VSNL1: variants seen among roughly 807,000 people sequenced by gnomAD.
VSNL1 encodes visinin-like protein 1.
A neutral mutation model predicts 20.4 loss-of-function variants in VSNL1; 6 were observed. That is an observed-to-expected ratio of 0.29 (90% CI 0.16 to 0.58). The LOEUF (loss-of-function observed/expected upper bound fraction) is 0.58. Ranked by LOEUF, VSNL1 falls within the 20% of genes least tolerant of loss-of-function variation. The pLI is 0.90. For missense variants in VSNL1, 100 were observed against 234.5 expected, an observed-to-expected ratio of 0.43 and a Z score of 3.75; for synonymous variants, 93 against 86.4, an observed-to-expected ratio of 1.08 and a Z score of -0.42.
At position 17,655,585 on chromosome 2, in the gene VSNL1, T is replaced by A. The variant is rs751733472; in HGVS notation, c.*191T>A. On this transcript the variant is annotated 3_prime_UTR_variant, in exon 4 of 4. Transcript: ENST00000295156. This position sits in a 1 kb window ranked among gnomAD's most constrained non-coding sequence, Gnocchi z 5.2. ...CATGAGAATGTCATTTGCTAATGAA[T>A]TTTAAAAGCATATATAAAACAAAAC... The A allele has an allele frequency of 3.5e-6, 2 of 574,896 alleles. No individual in the cohort carries two copies. Among genetic ancestry groups the A allele is most frequent in the Non-Finnish European group, 6.0e-6 (2 of 331,358 alleles). 35.6% of individuals were successfully genotyped at this position (574,896 alleles called of 1,614,324 possible).
intron 1 of VSNL1, among the ~76,000 whole-genome samples, chr2:17,589,116 A>G (rs1664541672): frequency 6.6e-6 from 1 of 152,078 alleles, no homozygotes; most frequent in Non-Finnish European, 1.5e-5. Flanking sequence ...GTGGTGTGTA[A>G]ATTGAGACTA....
At chr2:17,560,527 C>G (rs936124784) in intron 1 of VSNL1, among the ~76,000 whole-genome samples, 1 of 152,094 alleles carries the variant, frequency 6.6e-6, no homozygotes, top group Admixed American at 6.5e-5. Context: ...AAGAATGTAG[C>G]TTATTTAACA....
intron 2 of VSNL1, among the ~76,000 whole-genome samples, chr2:17,626,977 A>T (rs941357364): frequency 6.6e-6 from 1 of 152,214 alleles, no homozygotes; most frequent in Non-Finnish European, 1.5e-5. Flanking sequence ...AAGGCTTTTT[A>T]ACAGCAATCA....
At chr2:17,543,691 C>G (rs557355494) in intron 1 of VSNL1, among the ~76,000 whole-genome samples, 2 of 152,296 alleles carry the variant, frequency 1.3e-5, no homozygotes, top group East Asian at 3.9e-4. Flanking sequence ...TCCTTTAAAG[C>G]TTTTAAAGCA....
chr2:17,596,031 A>C (rs1664703526), intron 2 of VSNL1, among the ~76,000 whole-genome samples: 1 of 152,080 alleles, frequency 6.6e-6, no homozygotes, highest in Non-Finnish European at 1.5e-5. Flanking sequence ...ATTCTCTTGG[A>C]CTTCCAGCTT....
intron 3 of VSNL1, among the ~76,000 whole-genome samples, chr2:17,653,052 C>T (rs1666154950): frequency 1.3e-5 from 2 of 152,164 alleles, no homozygotes; most frequent in Admixed American, 1.3e-4. Flanking sequence ...TATTTTTATC[C>T]AGTTTTCTAG....
At chr2:17,599,675 AC>A (rs1160194398) in intron 2 of VSNL1, among the ~76,000 whole-genome samples, 1 of 152,008 alleles carries the variant, frequency 6.6e-6, no homozygotes, top group Non-Finnish European at 1.5e-5. Context: ...TGTCAGTCTG[AC>A]CAGTGGCTTA....
intron 2 of VSNL1, among the ~76,000 whole-genome samples, chr2:17,629,544 T>C (rs939115549): frequency 2.6e-5 from 4 of 152,204 alleles, no homozygotes; most frequent in Non-Finnish European, 5.9e-5. Context: ...CTGAGTTCAG[T>C]GGACTTGACT....
intron 2 of VSNL1, among the ~76,000 whole-genome samples, chr2:17,611,601 G>C (rs1009092104): frequency 2.0e-5 from 3 of 152,224 alleles, no homozygotes; most frequent in South Asian, 2.1e-4. Context: ...GAGGAGGTTT[G>C]GAGGATTTTC....
At chr2:17,567,377 T>TTTTTTTTTTTTTTTTTTTA (rs1558284156) in intron 1 of VSNL1, 1 of 147,412 alleles carries the variant, frequency 6.8e-6, no homozygotes, top group African/African-American at 2.5e-5. Context: ...TTTTTTTTTT[T>TTTTTTTTTTTTTTTTTTTA]AGAAGGAGTC....
rs74371005 is a variant in VSNL1, at chr2:17,597,013, C to T, written c.162+4777C>T. On this transcript the variant is annotated intron_variant, in intron 2 of 3. Coordinates refer to ENST00000295156, the MANE Select transcript of VSNL1 (RefSeq NM_003385.5). The stretch of plus-strand genomic sequence containing the variant: ...ATGAAAATAAGTTTCATTTCACAGG[C>T]CACGTACGATGGCAGCACCAAATGG... Among the ~76,000 whole-genome samples, 37 of 152,344 alleles carry T rather than the reference C, an allele frequency of 2.4e-4. No homozygotes were observed. In the East Asian group the frequency reaches 6.7e-3, roughly 28 times the overall value.
chr2:17,578,886 C>T (rs1388491474), intron 1 of VSNL1, among the ~76,000 whole-genome samples: 3 of 152,236 alleles, frequency 2.0e-5, no homozygotes, highest in Non-Finnish European at 4.4e-5. Flanking sequence ...GCATTCCTCT[C>T]GTAACCTTTG....
intron 1 of VSNL1, among the ~76,000 whole-genome samples, chr2:17,543,209 G>T (rs1282274199): frequency 6.6e-6 from 1 of 151,924 alleles, no homozygotes. Context: ...GTTTAGTCTG[G>T]CTTTTCTGGC....
At chr2:17,574,755 T>C (rs1283250718) in intron 1 of VSNL1, among the ~76,000 whole-genome samples, 1 of 152,168 alleles carries the variant, frequency 6.6e-6, no homozygotes, top group Non-Finnish European at 1.5e-5. Context: ...CGTTATTTCA[T>C]GAAAACTAAG....
intron 1 of VSNL1, among the ~76,000 whole-genome samples, chr2:17,580,086 G>T (rs1572344782): frequency 6.6e-6 from 1 of 152,110 alleles, no homozygotes; most frequent in African/African-American, 2.4e-5. Flanking sequence ...ACAATGCCAA[G>T]GTTTATGTAA....
At chr2:17,554,356 T>A (rs1436141727) in intron 1 of VSNL1, among the ~76,000 whole-genome samples, 1 of 152,210 alleles carries the variant, frequency 6.6e-6, no homozygotes, top group Non-Finnish European at 1.5e-5. Context: ...TGGTAGATAA[T>A]TAGGAATAAA....
In VSNL1 at chr2:17,649,201, A is replaced by C. The variant is rs1666069255; in HGVS notation, c.163-209A>C. On this transcript the variant is annotated intron_variant, in intron 2 of 3. Coordinates refer to ENST00000295156, the MANE Select transcript of VSNL1 (RefSeq NM_003385.5). This position sits in a 1 kb window ranked among gnomAD's most constrained non-coding sequence, Gnocchi z 6.4. ...CATGTCACCAGCCTCACCCACAGGA[A>C]ACAATGAGATGCCTGTACCTGAGCA... Among the ~76,000 whole-genome samples, 1 of 152,176 alleles carries C rather than the reference A, an allele frequency of 6.6e-6. No individual in the cohort carries two copies. The highest frequency in any genetic ancestry group is 2.1e-4 in the South Asian group (1 of 4,830).
intron 2 of VSNL1, among the ~76,000 whole-genome samples, chr2:17,600,124 T>C (rs183768114): frequency 3.2e-4 from 48 of 152,306 alleles, no homozygotes; most frequent in Admixed American, 2.5e-3. Context: ...GTAAATGCAG[T>C]GTGATTTTAA....
At chr2:17,619,828 A>G (rs1001396483) in intron 2 of VSNL1, among the ~76,000 whole-genome samples, 97 of 151,978 alleles carry the variant, frequency 6.4e-4, no homozygotes, top group African/African-American at 1.7e-3. Flanking sequence ...GGTACTAGAC[A>G]CCGGGGATTC....
Sources: allele counts gnomAD v4.1 joint callset (sites outside exome capture counted in the v4.1 genomes callset), GRCh38; gene constraint gnomAD v4.1.1; non-coding constraint Gnocchi (gnomAD v3.1); transcripts MANE v1.5; gene names NCBI Gene and HGNC (gene_info 2026-07-23, HGNC 2026-07-21).